ARHGAP6: variants seen among roughly 807,000 people sequenced by gnomAD.
ARHGAP6 encodes the protein Rho GTPase activating protein 6.
A neutral mutation model predicts 55.7 loss-of-function variants in ARHGAP6; 16 were observed. The ratio of observed to expected loss-of-function variants is 0.29; its 90% CI spans 0.19 to 0.44. ARHGAP6 has a LOEUF of 0.44. Among genes scored for constraint, ARHGAP6 ranks in the 20% least tolerant of loss-of-function variants. The pLI is 1.00. For synonymous variants in ARHGAP6, 382 were observed against 360.9 expected (o/e 1.06, Z -0.66); for missense variants, 698 against 808.9 (o/e 0.86, Z 1.66).
chrX:11,599,962 C>A (rs12393648), intron 1 of ARHGAP6, among the ~76,000 whole-genome samples: 19,144 of 111,274 alleles, frequency 0.17, 1,327 homozygotes, highest in Middle Eastern at 0.24. Flanking sequence ...TCTACTTGTG[C>A]AAAATAAAGA....
intron 2 of ARHGAP6, among the ~76,000 whole-genome samples, chrX:11,216,474 T>C: frequency 9.0e-6 from 1 of 111,383 alleles, no homozygotes; most frequent in South Asian, 3.8e-4. Flanking sequence ...GCGAAAATGG[T>C]GAAACCCTGT....
chrX:11,367,280 C>A (rs185679280), intron 1 of ARHGAP6, among the ~76,000 whole-genome samples: 3 of 111,773 alleles, frequency 2.7e-5, no homozygotes, highest in Non-Finnish European at 5.6e-5. Flanking sequence ...AAAGAGATGG[C>A]TTTCAGAAGA....
chrX:11,527,763 A>G (rs1019435235), intron 1 of ARHGAP6, among the ~76,000 whole-genome samples: 1 of 112,408 alleles, frequency 8.9e-6, no homozygotes, highest in Non-Finnish European at 1.9e-5. Context: ...TCAGATAATA[A>G]ATGAATATTT....
intron 1 of ARHGAP6, among the ~76,000 whole-genome samples, chrX:11,257,049 T>C (rs184382816): frequency 9.0e-6 from 1 of 111,723 alleles, no homozygotes; most frequent in Admixed American, 9.5e-5. Flanking sequence ...ATAGGACATA[T>C]AGACATTATG....
At chrX:11,479,555 G>A (rs2050435746) in intron 1 of ARHGAP6, among the ~76,000 whole-genome samples, 1 of 111,896 alleles carries the variant, frequency 8.9e-6, no homozygotes, top group Non-Finnish European at 1.9e-5. Flanking sequence ...TGGCTTCATG[G>A]GTTCATGACC....
chrX:11,351,025 A>G (rs1391113591), intron 1 of ARHGAP6, among the ~76,000 whole-genome samples: 1 of 105,498 alleles, frequency 9.5e-6, no homozygotes, highest in Non-Finnish European at 1.9e-5. Context: ...AAACACCCCC[A>G]TCCTTTAGGT....
intron 1 of ARHGAP6, among the ~76,000 whole-genome samples, chrX:11,506,321 A>G (rs1219526130): frequency 9.0e-6 from 1 of 110,960 alleles, no homozygotes; most frequent in African/African-American, 3.3e-5. Flanking sequence ...TACACGTACC[A>G]TGGTGGTTTG....
At chrX:11,378,816 T>C (rs753241333) in intron 1 of ARHGAP6, among the ~76,000 whole-genome samples, 1 of 112,627 alleles carries the variant, frequency 8.9e-6, no homozygotes, top group Admixed American at 9.4e-5. Context: ...CTCTATAATT[T>C]GAGTCAGCAC....
intron 1 of ARHGAP6, among the ~76,000 whole-genome samples, chrX:11,519,356 G>A (rs2050886790): frequency 9.1e-6 from 1 of 110,064 alleles, no homozygotes; most frequent in Non-Finnish European, 1.9e-5. Flanking sequence ...ATCTCATAGT[G>A]GTTTTGATTT....
chrX:11,324,265 C>T (rs1041097398), intron 1 of ARHGAP6, among the ~76,000 whole-genome samples: 1 of 111,880 alleles, frequency 8.9e-6, no homozygotes, highest in Non-Finnish European at 1.9e-5. Flanking sequence ...AAAGCACAAT[C>T]AAAGCAGTGG....
At chrX:11,333,330 A>T (rs1052253310) in intron 1 of ARHGAP6, among the ~76,000 whole-genome samples, 5 of 111,318 alleles carry the variant, frequency 4.5e-5, no homozygotes, top group African/African-American at 1.6e-4. Context: ...ACGAGATCTG[A>T]TGGTTTTATA....
rs1425643923 is a variant in ARHGAP6 at position 11,139,258 on chromosome X, T to G, written c.2530A>C (p.Ser844Arg). The change falls in exon 13 of 13, where the codon AGC becomes CGC. Residue 844 changes from serine (S) to arginine (R), a missense_variant. Ser to Arg is a moderately radical substitution (Grantham distance 110). Transcript: ENST00000337414. Reference sequence around the variant, plus strand: ...CTCTCGCTGAGGTCGTGGGCGCCGCTCAGGGTCAAGTACTGCTCCGACCTG... The same window carrying G: ...CTCTCGCTGAGGTCGTGGGCGCCGCGCAGGGTCAAGTACTGCTCCGACCTG... ...TARSEQYLTL[S>R]GAHDLSESEL... The G allele has an allele frequency of 8.4e-7, 1 of 1,195,280 alleles. No individual in the cohort carries two copies. Among genetic ancestry groups the G allele is most frequent in the Admixed American group, 2.2e-5 (1 of 44,557 alleles).
intron 1 of ARHGAP6, among the ~76,000 whole-genome samples, chrX:11,537,528 C>T (rs772931932): frequency 8.9e-6 from 1 of 112,286 alleles, no homozygotes; most frequent in African/African-American, 3.2e-5. Context: ...TTTCGTGTCT[C>T]TAATATCTAC....
At chrX:11,180,462 A>G (rs2046300374) in intron 6 of ARHGAP6, among the ~76,000 whole-genome samples, 1 of 110,738 alleles carries the variant, frequency 9.0e-6, no homozygotes, top group Non-Finnish European at 1.9e-5. Flanking sequence ...AAGTCCCTCT[A>G]GAGAAACAAT....
chrX:11,361,479 C>T (rs2147693662), intron 1 of ARHGAP6, among the ~76,000 whole-genome samples: 1 of 111,319 alleles, frequency 9.0e-6, no homozygotes, highest in Non-Finnish European at 1.9e-5. Context: ...GCATCCCTTC[C>T]TTACACCTTA....
chrX:11,467,332 C>T (rs959374820), intron 1 of ARHGAP6, among the ~76,000 whole-genome samples: 6 of 110,440 alleles, frequency 5.4e-5, no homozygotes, highest in Non-Finnish European at 1.1e-4. Flanking sequence ...TGGCTCACTG[C>T]ACTCCAGCCT....
At chrX:11,635,585 A>C in intron 1 of ARHGAP6, among the ~76,000 whole-genome samples, 1 of 111,599 alleles carries the variant, frequency 9.0e-6, no homozygotes, top group Admixed American at 9.6e-5. Context: ...TCTAAATCTG[A>C]GTGGACACTT....
At chrX:11,448,269 T>G (rs1356497655) in intron 1 of ARHGAP6, among the ~76,000 whole-genome samples, 2 of 112,208 alleles carry the variant, frequency 1.8e-5, no homozygotes, top group Non-Finnish European at 3.8e-5. Context: ...TTTTGTGCCT[T>G]CCTTATCCAG....
At chrX:11,381,076 T>C (rs368338855) in intron 1 of ARHGAP6, among the ~76,000 whole-genome samples, 2 of 112,753 alleles carry the variant, frequency 1.8e-5, no homozygotes, top group East Asian at 5.6e-4. Flanking sequence ...TAAGTGAGGA[T>C]GTATTTAATC....
Sources: gnomAD v4.1 joint callset for allele counts (sites outside exome capture counted in the v4.1 genomes callset) on GRCh38, gnomAD v4.1.1 for gene constraint, MANE v1.5 for transcripts, NCBI Gene and HGNC (gene_info 2026-07-23, HGNC 2026-07-21) for gene names.